Variants in PTPN12 observed in about 807,000 individuals in gnomAD.
The protein encoded by PTPN12 is tyrosine-protein phosphatase non-receptor type 12.
In PTPN12, 29 loss-of-function variants were observed where a neutral mutation model predicts 97.6. That is an observed-to-expected ratio of 0.30 (90% CI 0.22 to 0.41). The LOEUF (loss-of-function observed/expected upper bound fraction) is 0.41, where lower values mean the gene tolerates loss of function less well. PTPN12 is among the 10% of genes least tolerant of loss of function. The pLI, the probability that PTPN12 is intolerant of heterozygous loss-of-function variation, is 1.00. For synonymous variants in PTPN12, 327 were observed against 300.4 expected, an observed-to-expected ratio of 1.09 and a Z score of -0.91; for missense variants, 819 against 926.0, an observed-to-expected ratio of 0.88 and a Z score of 1.50.
At chr7:77,564,764 T>G (rs1462394367) in intron 1 of PTPN12, among the ~76,000 whole-genome samples, 2 of 109,116 alleles carry the variant, frequency 1.8e-5, no homozygotes, top group African/African-American at 3.4e-5. Context: ...TTTTTTTTTT[T>G]TTTTTTTTTT....
chr7:77,581,386 G>A lies in PTPN12; in HGVS notation c.209-41G>A, dbSNP rs1787511579. On this transcript the variant is annotated intron_variant, in intron 2 of 17. Coordinates refer to ENST00000248594, the MANE Select transcript of PTPN12 (RefSeq NM_002835.4). ...ACTTACGCTTCATTAGAAAATACCT[G>A]TGTGTCAACCATACATATTTTATGA... The A allele has an allele frequency of 3.8e-6, 5 of 1,317,194 alleles. No homozygotes were observed. The East Asian group carries it at 1.2e-4, about 31-fold the overall frequency. The allele number at this position is 1,317,194 out of a possible 1,614,324, so 81.6% of individuals were successfully genotyped here. A position where few individuals can be genotyped will look rare whatever the true frequency, so the allele number is the denominator to read the frequency against.
chr7:77,584,909 A>G (rs1787640954), intron 4 of PTPN12, among the ~76,000 whole-genome samples: 1 of 152,100 alleles, frequency 6.6e-6, no homozygotes, highest in South Asian at 2.1e-4. Context: ...TGTGTTCTAG[A>G]TAATAATATG....
intron 3 of PTPN12, 99 bp from the exon 4 acceptor site, chr7:77,583,456 C>A: frequency 1.3e-6 from 1 of 751,852 alleles, no homozygotes; most frequent in Non-Finnish European, 2.2e-6. Context: ...TAAGTTAAAA[C>A]AACAATATTA....
chr7:77,632,277 T>C, intron 13 of PTPN12, 71 bp from the exon 14 acceptor site: 1 of 1,159,710 alleles, frequency 8.6e-7, no homozygotes, highest in Admixed American at 1.9e-5. Flanking sequence ...ATTTTTAGAA[T>C]GTCAAGAAAG....
At chr7:77,573,561 C>T (rs532378658) in intron 2 of PTPN12, among the ~76,000 whole-genome samples, 5 of 152,174 alleles carry the variant, frequency 3.3e-5, no homozygotes, top group African/African-American at 1.2e-4. Context: ...TTGGGAAGGA[C>T]ACAAATATTC....
At chr7:77,634,893 C>T (rs576714182) in intron 14 of PTPN12, among the ~76,000 whole-genome samples, 15 of 150,304 alleles carry the variant, frequency 1.0e-4, no homozygotes, top group South Asian at 6.3e-4. Context: ...TGTTTTATTT[C>T]GAGTTGGAGT....
At chr7:77,576,056 A>C (rs758885040) in intron 2 of PTPN12, among the ~76,000 whole-genome samples, 1 of 152,066 alleles carries the variant, frequency 6.6e-6, no homozygotes, top group Non-Finnish European at 1.5e-5. Context: ...GGGTTTCACT[A>C]TGTTGGCCAG....
At chr7:77,613,366 G>C (rs1788639915) in intron 11 of PTPN12, among the ~76,000 whole-genome samples, 1 of 150,034 alleles carries the variant, frequency 6.7e-6, no homozygotes. Flanking sequence ...GTAGAGACAG[G>C]GTTTCACCAT....
intron 2 of PTPN12, among the ~76,000 whole-genome samples, chr7:77,581,103 C>T (rs1787501673): frequency 6.6e-6 from 1 of 152,040 alleles, no homozygotes; most frequent in South Asian, 2.1e-4. Flanking sequence ...ACAGAATCTT[C>T]ACTCTGTCGC....
At chr7:77,550,540 T>G (rs1807434316) in intron 1 of PTPN12, among the ~76,000 whole-genome samples, 2 of 152,206 alleles carry the variant, frequency 1.3e-5, no homozygotes, top group Non-Finnish European at 2.9e-5. Context: ...TTTTTTACAT[T>G]ATTAACTGAA....
At chr7:77,581,532 C>G (rs1413286981) in intron 3 of PTPN12, 29 bp downstream of exon 3, 2 of 1,387,316 alleles carry the variant, frequency 1.4e-6, no homozygotes, top group African/African-American at 2.9e-5. Context: ...TGGTGTTTCT[C>G]TGCCATATTA....
rs184531094 is a variant in PTPN12 at position 77,617,947 on chromosome 7, C to T, written c.940-533C>T. 5.3e-5 allele frequency among the ~76,000 whole-genome samples: 8 copies of T among 152,138 alleles called. No individual in the cohort carries two copies. The East Asian group carries it at 1.5e-3, about 29-fold the overall frequency. On this transcript the variant is annotated intron_variant, in intron 11 of 17. Coordinates refer to ENST00000248594, the MANE Select transcript of PTPN12 (RefSeq NM_002835.4). ...AGCCAGTGATATAGGAGCTATATTC[C>T]CTAATGGATTAGAGCACTCCACATA...
intron 12 of PTPN12, among the ~76,000 whole-genome samples, chr7:77,625,477 C>CTCTCTCTCTCTCTCTCTCTT (rs1789118232): frequency 1.5e-5 from 1 of 68,132 alleles, no homozygotes; most frequent in Non-Finnish European, 3.2e-5. Flanking sequence ...TGCTCGCTCT[C>CTCTCTCTCTCTCTCTCTCTT]TCTCTCTCTC....
chr7:77,563,500 A>G (rs972893569), intron 1 of PTPN12, among the ~76,000 whole-genome samples: 2 of 152,226 alleles, frequency 1.3e-5, no homozygotes, highest in Non-Finnish European at 2.9e-5. Context: ...TGCCAGTACT[A>G]CTATCAGGAA....
intron 1 of PTPN12, among the ~76,000 whole-genome samples, chr7:77,541,772 G>C (rs1312808620): frequency 1.3e-5 from 2 of 152,054 alleles, no homozygotes; most frequent in Admixed American, 6.6e-5. Flanking sequence ...TCCTGGCCTT[G>C]GTTGTGCCCC....
Position 77,583,558 on chromosome 7 carries a change from G to T in PTPN12, c.289G>T (p.Val97Phe). Residue 97 changes from valine to phenylalanine, a missense_variant, in exon 4 of 18, where the codon GTC becomes TTC. Transcript: ENST00000248594. ...DYINANFIKG[V>F]YGPKAYVATQ... ...ATTTGCTTTTAACCATTTTTAGGGC[G>T]TCTATGGGCCAAAAGCATATGTAGC... The T allele has an allele frequency of 6.3e-7, 1 of 1,594,496 alleles. No individual in the cohort carries two copies. Among genetic ancestry groups the T allele is most frequent in the Non-Finnish European group, 8.5e-7 (1 of 1,172,498 alleles).
Position 77,580,214 on chromosome 7 carries a change from A to G in PTPN12, c.209-1213A>G, listed in dbSNP as rs377496421. ...GTGCAATGGTTCACACCTGTAATCC[A>G]AACACTTGGGAGCCTGAGCCAGGAA... On this transcript the variant is annotated intron_variant, in intron 2 of 17. Transcript: ENST00000248594. Among the ~76,000 whole-genome samples, 7 of 152,380 alleles carry G rather than the reference A, an allele frequency of 4.6e-5. No individual in the cohort carries two copies. In the East Asian group the frequency reaches 7.7e-4, roughly 17 times the overall value.
At chr7:77,555,467 GT>G (rs1167633165) in intron 1 of PTPN12, among the ~76,000 whole-genome samples, 1 of 151,662 alleles carries the variant, frequency 6.6e-6, no homozygotes, top group African/African-American at 2.4e-5. Flanking sequence ...TGTTGTTTCA[GT>G]TTTTTTCTAG....
intron 16 of PTPN12, among the ~76,000 whole-genome samples, chr7:77,637,944 A>ATTTTTTTTTTT (rs1421411134): frequency 1.1e-5 from 1 of 89,506 alleles, no homozygotes; most frequent in Non-Finnish European, 1.9e-5. Flanking sequence ...GATTTCTTAA[A>ATTTTTTTTTTT]ATTTTTTTTT....
Sources: allele counts gnomAD v4.1 joint callset (sites outside exome capture counted in the v4.1 genomes callset), GRCh38; gene constraint gnomAD v4.1.1; transcripts MANE v1.5; gene names NCBI Gene and HGNC (gene_info 2026-07-23, HGNC 2026-07-21).